Variants in CNOT6L observed in about 807,000 individuals in gnomAD.
CNOT6L encodes the protein CCR4-NOT transcription complex subunit 6 like.
Under a neutral mutation model 64.0 loss-of-function variants are expected in CNOT6L, and 7 were observed. The observed-to-expected ratio is 0.11, with a 90% CI of 0.06 to 0.21. The LOEUF is 0.21. Among genes scored for constraint, CNOT6L ranks in the 10% least tolerant of loss-of-function variants. CNOT6L has a pLI of 1.00. For missense variants in CNOT6L, 245 were observed against 669.0 expected, an observed-to-expected ratio of 0.37 and a Z score of 6.99; for synonymous variants, 193 against 243.4, an observed-to-expected ratio of 0.79 and a Z score of 1.93.
intron 1 of CNOT6L, among the ~76,000 whole-genome samples, chr4:77,791,165 C>A (rs1349471943): frequency 6.6e-6 from 1 of 152,042 alleles, no homozygotes; most frequent in African/African-American, 2.4e-5. Context: ...GTAATCCCAG[C>A]TACTCGGGAA....
At chr4:77,732,356 T>C (rs1375599238) in intron 8 of CNOT6L, among the ~76,000 whole-genome samples, 1 of 152,138 alleles carries the variant, frequency 6.6e-6, no homozygotes, top group Non-Finnish European at 1.5e-5. Context: ...TTCAGTCTAA[T>C]TTTATTAATT....
chr4:77,809,133 T>C (rs753875625), intron 1 of CNOT6L, among the ~76,000 whole-genome samples: 7 of 152,086 alleles, frequency 4.6e-5, no homozygotes, highest in East Asian at 3.9e-4. Flanking sequence ...AACTGAAGCA[T>C]AGAGAAGTTA....
intron 1 of CNOT6L, among the ~76,000 whole-genome samples, chr4:77,804,001 C>G (rs193252668): frequency 5.9e-5 from 9 of 152,080 alleles, no homozygotes; most frequent in African/African-American, 2.2e-4. Context: ...CACAGAAATA[C>G]GTATGACCCA....
intron 1 of CNOT6L, among the ~76,000 whole-genome samples, chr4:77,817,171 C>T (rs777316805): frequency 1.3e-5 from 2 of 150,346 alleles, no homozygotes; most frequent in African/African-American, 4.9e-5. Flanking sequence ...GGCTACAAAA[C>T]GAAAATCATA....
In CNOT6L at chr4:77,810,791, C is replaced by T. The variant is rs1210199336; in HGVS notation, c.5+8513G>A. ...CCTTTAACAATCTCTCTCCCTAGCC[C>T]TCTTCCCCCTACCCTTTCCAGCCTC... is the stretch of plus-strand genomic sequence containing the variant. On this transcript the variant is annotated intron_variant, in intron 1 of 11. Transcript: ENST00000504123. Among the ~76,000 whole-genome samples, 4 of 152,252 alleles carry T rather than the reference C, an allele frequency of 2.6e-5. No homozygotes were observed. In the South Asian group the frequency reaches 6.2e-4, roughly 24 times the overall value.
intron 1 of CNOT6L, among the ~76,000 whole-genome samples, chr4:77,782,597 T>C (rs900095883): frequency 6.6e-5 from 10 of 150,830 alleles, no homozygotes; most frequent in Middle Eastern, 3.2e-3. Flanking sequence ...TGCCTTGGCC[T>C]CCCAGTGCTA....
At chr4:77,768,064 T>C (rs1373903031) in intron 4 of CNOT6L, among the ~76,000 whole-genome samples, 3 of 150,212 alleles carry the variant, frequency 2.0e-5, no homozygotes, top group Non-Finnish European at 4.4e-5. Context: ...TTTAAGATGA[T>C]ACAAGAGAAT....
chr4:77,814,973 G>A (rs1449540299), intron 1 of CNOT6L, among the ~76,000 whole-genome samples: 1 of 152,100 alleles, frequency 6.6e-6, no homozygotes, highest in East Asian at 1.9e-4. Context: ...AGCCTCTGTT[G>A]TTTACTTGAT....
chr4:77,770,403 T>C (rs1478363762), intron 4 of CNOT6L, among the ~76,000 whole-genome samples: 4 of 152,218 alleles, frequency 2.6e-5, no homozygotes, highest in African/African-American at 9.7e-5. Flanking sequence ...TTTGAAATTA[T>C]TTCAAATTTT....
intron 8 of CNOT6L, among the ~76,000 whole-genome samples, chr4:77,735,891 T>A (rs1035000514): frequency 6.6e-6 from 1 of 152,320 alleles, no homozygotes; most frequent in African/African-American, 2.4e-5. Flanking sequence ...TAAACTTTTT[T>A]AAAAATACAT....
chr4:77,768,982 G>A (rs139818312), intron 4 of CNOT6L, among the ~76,000 whole-genome samples: 192 of 152,258 alleles, frequency 1.3e-3, no homozygotes, highest in African/African-American at 4.5e-3. Flanking sequence ...GTTCATGGCT[G>A]TACTGCTTAT....
At chr4:77,773,294 G>T in intron 3 of CNOT6L, 128 bp from the exon 4 acceptor site, 2 of 580,884 alleles carry the variant, frequency 3.4e-6, no homozygotes, top group Non-Finnish European at 5.9e-6. Context: ...ATTTCTATGT[G>T]CTCATCCAAA....
At chr4:77,754,482 C>A (rs990339521) in intron 5 of CNOT6L, among the ~76,000 whole-genome samples, 8 of 152,032 alleles carry the variant, frequency 5.3e-5, no homozygotes, top group African/African-American at 1.9e-4. Context: ...ATTTCCAAAG[C>A]CATCTATAGA....
rs148436174 is a variant in CNOT6L at position 77,736,620 on chromosome 4, C to T, written c.873-5082G>A. ...TTCTTTCTATTATTAGATGTTTCTT[C>T]TCAATTAGACATATTAGTTTATAGT... On this transcript the variant is annotated intron_variant, in intron 8 of 11. Coordinates refer to ENST00000504123, the MANE Select transcript of CNOT6L (RefSeq NM_144571.3). Among the ~76,000 whole-genome samples the T allele has an allele frequency of 2.7e-3, 409 of 152,176 alleles. 1 individual carries two copies. The highest frequency in any genetic ancestry group is 3.6e-3 in the Non-Finnish European group (243 of 67,986).
At chr4:77,758,384 A>C (rs149381399) in intron 4 of CNOT6L, among the ~76,000 whole-genome samples, 145 of 152,346 alleles carry the variant, frequency 9.5e-4, no homozygotes, top group South Asian at 4.6e-3. Context: ...AAAATTATCC[A>C]AAATGCGTCA....
chr4:77,804,428 C>CA (rs1185489525), intron 1 of CNOT6L, among the ~76,000 whole-genome samples: 2,207 of 79,070 alleles, frequency 0.028, 52 homozygotes, highest in African/African-American at 0.09. Context: ...GACCCCATCT[C>CA]AAAAAAAAAA....
intron 1 of CNOT6L, among the ~76,000 whole-genome samples, chr4:77,786,638 G>A (rs1357340314): frequency 2.0e-5 from 3 of 151,754 alleles, no homozygotes; most frequent in African/African-American, 7.3e-5. Flanking sequence ...CCCCACGCCT[G>A]GCTAATTTTT....
intron 4 of CNOT6L, among the ~76,000 whole-genome samples, chr4:77,768,124 A>C (rs1321961632): frequency 1.3e-5 from 2 of 152,112 alleles, no homozygotes; most frequent in Non-Finnish European, 2.9e-5. Flanking sequence ...CAACACACAA[A>C]TGTACTAACT....
At chr4:77,813,524 G>A (rs1733203099) in intron 1 of CNOT6L, among the ~76,000 whole-genome samples, 1 of 151,748 alleles carries the variant, frequency 6.6e-6, no homozygotes, top group Non-Finnish European at 1.5e-5. Context: ...CATATATAAG[G>A]GACACATCTA....
Sources: gnomAD v4.1 joint callset for allele counts (sites outside exome capture counted in the v4.1 genomes callset) on GRCh38, gnomAD v4.1.1 for gene constraint, MANE v1.5 for transcripts, NCBI Gene and HGNC (gene_info 2026-07-23, HGNC 2026-07-21) for gene names.